Variants in PRDM10 observed in about 807,000 individuals in gnomAD.
The protein encoded by PRDM10 is PR domain zinc finger protein 10.
PRDM10 carries 65 observed loss-of-function variants against 133.1 expected under a neutral mutation model. The observed-to-expected ratio is 0.49, with a 90% CI of 0.40 to 0.60. The LOEUF is 0.60. Among genes scored for constraint, PRDM10 ranks in the 20% least tolerant of loss-of-function variants. The pLI is 0.00. For synonymous variants in PRDM10, 582 were observed against 580.4 expected, an observed-to-expected ratio of 1.00 and a Z score of -0.04; for missense variants, 1,137 against 1,507.1, an observed-to-expected ratio of 0.75 and a Z score of 4.07.
At chr11:129,907,043 A>G (rs1258727433) in intron 19 of PRDM10, among the ~76,000 whole-genome samples, 2 of 152,180 alleles carry the variant, frequency 1.3e-5, no homozygotes, top group Non-Finnish European at 2.9e-5. Flanking sequence ...TAATGGAGCT[A>G]AAGAATAAAC....
rs373308063 is a variant in PRDM10, at chr11:129,910,670, G to A, written c.2983-14C>T. 7.8e-6 allele frequency: 12 copies of A among 1,534,574 alleles called. No homozygotes were observed. The African/African-American group carries it at 1.5e-4, about 19-fold the overall frequency. On this transcript the variant is annotated splice_polypyrimidine_tract_variant and intron_variant, in intron 18 of 20. Coordinates refer to ENST00000360871, the MANE Select transcript of PRDM10 (RefSeq NM_199437.2). ...CTGCCCAGATACCTGGGGAGAAAGA[G>A]AAAGCAATGGTAGGGAATTACGAGC...
Position 129,944,972 on chromosome 11 carries a change from C to T in PRDM10, c.561G>A (p.Pro187=), listed in dbSNP as rs776743288. The T allele has an allele frequency of 2.0e-5, 32 of 1,613,208 alleles. No individual in the cohort carries two copies. The highest frequency in any genetic ancestry group is 2.5e-5 in the Non-Finnish European group (30 of 1,179,814). The change falls in exon 6 of 21, where the codon CCG becomes CCA. Residue 187 remains proline, a synonymous_variant. Transcript: ENST00000360871. ...ECNNAHASVC[P]KHGPLHPIPN... is the part of the protein sequence containing the mutation. Reference sequence around the variant, plus strand: ...GGATCGGGTGCAAGGGGCCGTGCTTCGGACACACTGAAGCATGCGCGTTAT... The same window carrying T: ...GGATCGGGTGCAAGGGGCCGTGCTTTGGACACACTGAAGCATGCGCGTTAT...
intron 1 of PRDM10, among the ~76,000 whole-genome samples, chr11:129,991,434 C>T (rs984065417): frequency 2.0e-5 from 3 of 152,012 alleles, no homozygotes; most frequent in African/African-American, 4.8e-5. Flanking sequence ...CTGTAATCCC[C>T]GCACTTTGGG....
chr11:129,934,238 T>C (rs1950958564), intron 9 of PRDM10, among the ~76,000 whole-genome samples: 1 of 152,228 alleles, frequency 6.6e-6, no homozygotes, highest in African/African-American at 2.4e-5. Context: ...GCCATGCTAG[T>C]GGGCTCACTT....
intron 1 of PRDM10, among the ~76,000 whole-genome samples, chr11:129,978,065 G>T (rs1937888575): frequency 6.6e-6 from 1 of 152,056 alleles, no homozygotes; most frequent in Non-Finnish European, 1.5e-5. Context: ...CCTTTGATTA[G>T]GTTCCAAATA....
intron 2 of PRDM10, among the ~76,000 whole-genome samples, chr11:129,960,497 A>G (rs1226203607): frequency 2.0e-5 from 3 of 152,234 alleles, no homozygotes; most frequent in Non-Finnish European, 4.4e-5. Context: ...TTCTGAATTT[A>G]AAAAGAAAAG....
rs774900895 is a variant in PRDM10 at position 129,910,615 on chromosome 11, C to A, written c.3024G>T (p.Gln1008His). 1 of 1,609,702 alleles carries A rather than the reference C, an allele frequency of 6.2e-7. No homozygotes were observed. The highest frequency in any genetic ancestry group is 1.7e-5 in the Admixed American group (1 of 59,588). ...GGATGTGGGAGGGGCTGAGCCCCTG[C>A]TGAGCCTGCTGGGCTGAGGGACTCA... ...QPLSPSAQQAQQGLSPSHIQG... is the reference protein window; with the variant it reads ...QPLSPSAQQAHQGLSPSHIQG... The change falls in exon 19 of 21, where the codon CAG (glutamine) becomes CAT (histidine). Residue 1008 changes from glutamine (Q) to histidine (H), a missense_variant. This residue lies in a region of PRDM10 where 243 missense variants were observed against 259.2 expected (regional missense o/e 0.94). Transcript: ENST00000360871.
intron 1 of PRDM10, among the ~76,000 whole-genome samples, chr11:129,968,252 T>G (rs986964588): frequency 6.6e-6 from 1 of 152,216 alleles, no homozygotes; most frequent in African/African-American, 2.4e-5. Context: ...TCATTATTGA[T>G]ATGGAAAGAA....
intron 1 of PRDM10, among the ~76,000 whole-genome samples, chr11:129,995,434 G>A (rs1938999160): frequency 6.6e-6 from 1 of 152,174 alleles, no homozygotes; most frequent in Non-Finnish European, 1.5e-5. Context: ...GTAAACAAGT[G>A]TCTCAGAGAG....
Position 129,945,126 on chromosome 11 carries a change from T to C in PRDM10, c.521-114A>G, listed in dbSNP as rs1234464507. The C allele has an allele frequency of 1.5e-6, 2 of 1,319,536 alleles. No individual in the cohort carries two copies. The highest frequency in any genetic ancestry group is 2.1e-6 in the Non-Finnish European group (2 of 945,436). 81.7% of individuals were successfully genotyped at this position (1,319,536 alleles called of 1,614,324 possible). ...TCTGCATTTTCAAGCCAAAATTCAA[T>C]GAACTCCTAATGGCGCTACCCATTC... On this transcript the variant is annotated intron_variant, in intron 5 of 20. Coordinates refer to ENST00000360871, the MANE Select transcript of PRDM10 (RefSeq NM_199437.2). The surrounding 1 kb of genome is among the most constrained non-coding windows in gnomAD (Gnocchi z 4.2).
chr11:129,915,710 C>T lies in PRDM10; in HGVS notation c.2476G>A (p.Ala826Thr). ...STHTQLTGTI[A>T]TPPVCCPHCS... ...TGGGGACAGCAGACGGGAGGGGTGG[C>T]GATGGTGCCCGTCAGCTGGGTGTGT... The change falls in exon 16 of 21, where the codon GCC (alanine) becomes ACC (threonine). Residue 826 changes from alanine to threonine, a missense_variant. Transcript: ENST00000360871. The T allele has an allele frequency of 3.7e-6, 6 of 1,613,756 alleles. No individual in the cohort carries two copies. The highest frequency in any genetic ancestry group is 1.1e-5 in the South Asian group (1 of 91,040).
chr11:129,915,263 C>T (rs539989239), intron 16 of PRDM10, among the ~76,000 whole-genome samples: 9 of 151,586 alleles, frequency 5.9e-5, no homozygotes, highest in African/African-American at 1.2e-4. Context: ...AATACCCCCC[C>T]CAAATAGTAC....
chr11:129,938,526 C>G (rs953764379), intron 7 of PRDM10, among the ~76,000 whole-genome samples: 30 of 152,148 alleles, frequency 2.0e-4, no homozygotes, highest in African/African-American at 7.0e-4. Context: ...CCCGCTTTTG[C>G]CACCCTGATG....
In PRDM10 at chr11:129,957,828, T is replaced by C. The variant is rs1951724681; in HGVS notation, c.152A>G (p.Tyr51Cys). The C allele has an allele frequency of 6.2e-7, 1 of 1,614,114 alleles. No individual in the cohort carries two copies. The highest frequency in any genetic ancestry group is 1.1e-5 in the South Asian group (1 of 91,094). ...TGTGTAGGAGGCACCATCTGCCGTG[T>C]ACACCACCTGCTGTGGGGGGCGAAC... ...DQVRPPQQVVYTADGASYTSV... is the reference protein window; with the variant it reads ...DQVRPPQQVVCTADGASYTSV... Residue 51 changes from tyrosine to cysteine, a missense_variant, in exon 3 of 21, where the codon TAC (tyrosine) becomes TGC (cysteine). Coordinates refer to ENST00000360871, the MANE Select transcript of PRDM10 (RefSeq NM_199437.2).
At chr11:129,983,499 C>T (rs1382066798) in intron 1 of PRDM10, among the ~76,000 whole-genome samples, 7 of 151,856 alleles carry the variant, frequency 4.6e-5, no homozygotes, top group East Asian at 1.9e-4. Flanking sequence ...AGGGTTTCAC[C>T]GTGTTAGCCA....
At chr11:129,948,203 C>G in intron 4 of PRDM10, 1 of 411,308 alleles carries the variant, frequency 2.4e-6, no homozygotes, top group South Asian at 1.8e-5. Context: ...AAAAGTTCTC[C>G]TGCCTCCAAT....
chr11:130,001,729 G>A (rs1591717312), intron 1 of PRDM10, among the ~76,000 whole-genome samples: 1 of 152,328 alleles, frequency 6.6e-6, no homozygotes, highest in East Asian at 1.9e-4. Context: ...ACACCTAGCT[G>A]CAGGGTTAAA....
chr11:129,986,692 G>A (rs138484275), intron 1 of PRDM10, among the ~76,000 whole-genome samples: 16 of 152,270 alleles, frequency 1.1e-4, no homozygotes, highest in Non-Finnish European at 1.5e-4. Flanking sequence ...ATGACTTTGC[G>A]TGGAGGGCAA....
chr11:129,986,685 A>G (rs1472780942), intron 1 of PRDM10, among the ~76,000 whole-genome samples: 1 of 152,132 alleles, frequency 6.6e-6, no homozygotes, highest in Admixed American at 6.5e-5. Context: ...CTGCTGCATG[A>G]CTTTGCGTGG....
Sources: gnomAD v4.1 joint callset for allele counts (sites outside exome capture counted in the v4.1 genomes callset) on GRCh38, gnomAD v4.1.1 for gene constraint, gnomAD v4.1.1 regional missense constraint, Gnocchi (gnomAD v3.1) non-coding constraint, MANE v1.5 for transcripts, NCBI Gene and HGNC (gene_info 2026-07-23, HGNC 2026-07-21) for gene names.